Variants in CPNE7 observed in about 807,000 individuals in gnomAD.
CPNE7 encodes the protein copine 7.
Under a neutral mutation model 66.5 loss-of-function variants are expected in CPNE7, and 78 were observed. That is an observed-to-expected ratio of 1.17 (90% CI 0.98 to 1.42). CPNE7 has a LOEUF of 1.42. Ranked by LOEUF, CPNE7 falls within the 40% of genes most tolerant of loss-of-function variation. CPNE7 has a pLI of 0.00. For synonymous variants in CPNE7, 468 were observed against 336.7 expected (o/e 1.39, Z -4.27); for missense variants, 1,012 against 776.6 (o/e 1.30, Z -3.60).
At chr16:89,582,187 C>G (rs1357340493) in intron 2 of CPNE7, among the ~76,000 whole-genome samples, 1 of 152,242 alleles carries the variant, frequency 6.6e-6, no homozygotes, top group Non-Finnish European at 1.5e-5. Flanking sequence ...AAGGGAGAAG[C>G]TACTGGCATC....
intron 2 of CPNE7, among the ~76,000 whole-genome samples, chr16:89,578,608 T>A (rs1385944300): frequency 2.7e-5 from 4 of 150,326 alleles, no homozygotes; most frequent in Non-Finnish European, 4.4e-5. Flanking sequence ...AAAAGTACAA[T>A]AATTAGCCGG....
At chr16:89,595,754 A>G (rs2059245152) in intron 14 of CPNE7, 151 bp downstream of exon 14, 1 of 777,054 alleles carries the variant, frequency 1.3e-6, no homozygotes. Context: ...CCCAGTCAAG[A>G]GCAGTATCTG....
chr16:89,588,929 G>A, intron 10 of CPNE7, 121 bp downstream of exon 10: 1 of 1,242,824 alleles, frequency 8.0e-7, no homozygotes, highest in East Asian at 2.5e-5. Flanking sequence ...CACCCGGCCG[G>A]TTTTCCCTCA....
intron 10 of CPNE7, among the ~76,000 whole-genome samples, chr16:89,589,456 C>T (rs1467479813): frequency 2.0e-5 from 3 of 152,156 alleles, no homozygotes; most frequent in African/African-American, 4.8e-5. Flanking sequence ...CCAGGGAGGG[C>T]CCGGCACAAA....
In CPNE7 at chr16:89,585,740, C is replaced by T. The variant is rs2059025433; in HGVS notation, c.735C>T (p.Phe245=). ...GAAAGCACGACTTCATCGGAGAATT[C>T]TCTACCACCTTCGAGGAGATGCAGA... is the stretch of plus-strand genomic sequence containing the variant. ...SRGKHDFIGE[F]STTFEEMQKA... is the part of the protein sequence containing the mutation. The change falls in exon 7 of 15, where the codon TTC becomes TTT. Residue 245 remains phenylalanine (F), a synonymous_variant. Transcript: ENST00000319518. The T allele has an allele frequency of 1.9e-6, 3 of 1,544,976 alleles. No individual in the cohort carries two copies. Among genetic ancestry groups the T allele is most frequent in the East Asian group, 2.5e-5 (1 of 40,802 alleles).
rs1295244641 is a variant in CPNE7 at position 89,586,906 on chromosome 16, G to T, written c.868-137G>T. The stretch of plus-strand genomic sequence containing the variant: ...AGAGACGGGGAAGGGCGAGGTTGGG[G>T]AGAGAGGATGGGGGAGAGGAGAGGA... On this transcript the variant is annotated intron_variant, in intron 8 of 14. Transcript: ENST00000319518. 3 of 1,098,384 alleles carry T rather than the reference G, an allele frequency of 2.7e-6. No individual in the cohort carries two copies. In the Admixed American group the frequency reaches 6.1e-5, roughly 22 times the overall value. 68.0% of individuals were successfully genotyped at this position (1,098,384 alleles called of 1,614,324 possible). A position where few individuals can be genotyped will look rare whatever the true frequency, so the allele number is the denominator to read the frequency against.
intron 7 of CPNE7, among the ~76,000 whole-genome samples, 154 bp from the exon 8 acceptor site, chr16:89,586,516 C>G (rs910825673): frequency 9.9e-5 from 15 of 151,788 alleles, no homozygotes; most frequent in African/African-American, 3.4e-4. Context: ...ATGACCCACT[C>G]TGCCCCTTCC....
intron 2 of CPNE7, chr16:89,578,862 C>A: frequency 6.2e-7 from 1 of 1,611,528 alleles, no homozygotes. Context: ...CACAGCCAGC[C>A]CAAAAGTGGC....
At position 89,596,602 on chromosome 16, in the gene CPNE7, GC is replaced by G. The variant is rs765735303; in HGVS notation, c.1661del (p.Pro554GlnfsTer16). The G allele has an allele frequency of 3.1e-6, 5 of 1,604,628 alleles. No individual in the cohort carries two copies. The highest frequency in any genetic ancestry group is 2.7e-5 in the African/African-American group (2 of 74,802). On this transcript the variant is annotated frameshift_variant, in exon 15 of 15. Transcript: ENST00000319518. LOFTEE classifies it high-confidence loss of function. ...CTGGGTGTCCCTGCCGGAGAGGCCAGCCCAGGCTGCACACCGTGAAGATGTG... is the reference window on the plus strand; with the variant it reads ...CTGGGTGTCCCTGCCGGAGAGGCCAGCCAGGCTGCACACCGTGAAGATGTG... ...RSLGVPAGEA[S>X]PGCTP
In CPNE7 at chr16:89,586,660, C is replaced by G. The variant is rs778057028; in HGVS notation, c.781-10C>G. The G allele has an allele frequency of 2.5e-6, 4 of 1,611,380 alleles. No homozygotes were observed. The South Asian group carries it at 3.3e-5, about 13-fold the overall frequency. ...CCACTCTGGGGGGCCTCTGCTTGTT[C>G]CTGCCCCAGGCCCAGTGGGACTGTG... On this transcript the variant is annotated splice_polypyrimidine_tract_variant and intron_variant, in intron 7 of 14. Coordinates refer to ENST00000319518, the MANE Select transcript of CPNE7 (RefSeq NM_153636.3).
At position 89,596,946 on chromosome 16, in the gene CPNE7, G is replaced by T; in HGVS notation, c.*325G>T. 1 of 243,320 alleles carries T rather than the reference G, an allele frequency of 4.1e-6. No individual in the cohort carries two copies. Among genetic ancestry groups the T allele is most frequent in the Non-Finnish European group, 7.8e-6 (1 of 128,620 alleles). The allele number at this position is 243,320 out of a possible 1,614,324, so 15.1% of individuals were successfully genotyped here. A position where few individuals can be genotyped will look rare whatever the true frequency, so the allele number is the denominator to read the frequency against. On this transcript the variant is annotated 3_prime_UTR_variant, in exon 15 of 15. Coordinates refer to ENST00000319518, the MANE Select transcript of CPNE7 (RefSeq NM_153636.3). ...CCGATGAGAAGGGGCAGGGACTGGG[G>T]GCTCTGCTTTGCGTCTAACCTTTGT...
intron 2 of CPNE7, chr16:89,583,403 C>T: frequency 2.0e-6 from 3 of 1,537,856 alleles, no homozygotes; most frequent in Non-Finnish European, 2.6e-6. Flanking sequence ...TGAGCTGCTT[C>T]CTGGCTTCCA....
chr16:89,581,873 C>T (rs76751818), intron 2 of CPNE7, among the ~76,000 whole-genome samples: 14,051 of 152,216 alleles, frequency 0.092, 912 homozygotes, highest in East Asian at 0.4. Context: ...CTTGAACTCC[C>T]GGGCTCACCG....
rs1283007084 is a variant in CPNE7 at position 89,588,606 on chromosome 16, C to A, written c.928-69C>A. The A allele has an allele frequency of 3.8e-6, 6 of 1,597,320 alleles. No homozygotes were observed. The African/African-American group carries it at 6.7e-5, about 18-fold the overall frequency. Reference sequence around the variant, plus strand: ...GTCCTGGCCACTCTGGGCGTGGTTTCTCTACCTGTCAGGAGCGGGTTCGGG... The same window carrying A: ...GTCCTGGCCACTCTGGGCGTGGTTTATCTACCTGTCAGGAGCGGGTTCGGG... On this transcript the variant is annotated intron_variant, in intron 9 of 14. Coordinates refer to ENST00000319518, the MANE Select transcript of CPNE7 (RefSeq NM_153636.3).
chr16:89,578,075 T>A (rs916389972), intron 2 of CPNE7, among the ~76,000 whole-genome samples: 1 of 149,684 alleles, frequency 6.7e-6, no homozygotes, highest in Non-Finnish European at 1.5e-5. Flanking sequence ...TTCTTTTTTT[T>A]TTTTTTTGAG....
intron 2 of CPNE7, chr16:89,583,393 T>G: frequency 4.3e-5 from 66 of 1,521,022 alleles, no homozygotes; most frequent in Non-Finnish European, 5.4e-5. Context: ...AGCTGGGCTG[T>G]GAGCTGCTTC....
chr16:89,596,051 C>T (rs561531434), intron 14 of CPNE7: 220 of 448,344 alleles, frequency 4.9e-4, no homozygotes, highest in African/African-American at 3.8e-3. Flanking sequence ...TACAGCAAGA[C>T]GTGCATGCCA....
Position 89,576,062 on chromosome 16 carries a change from G to A in CPNE7, c.165G>A (p.Gln55=). The A allele has an allele frequency of 7.7e-7, 1 of 1,298,700 alleles. No homozygotes were observed. The highest frequency in any genetic ancestry group is 9.8e-7 in the Non-Finnish European group (1 of 1,024,298). 80.4% of individuals were successfully genotyped at this position (1,298,700 alleles called of 1,614,324 possible). The change falls in exon 1 of 15, where the codon CAG becomes CAA. Residue 55 remains glutamine, a synonymous_variant. Coordinates refer to ENST00000319518, the MANE Select transcript of CPNE7 (RefSeq NM_153636.3). ...SVALLQQAQG[Q]WVQVGRTEVV... is the part of the protein sequence containing the mutation. ...CGTTGCTGCAGCAGGCGCAGGGCCA[G>A]TGGGTGCAGGTAGGGCCGGGGCGTG...
chr16:89,576,810 G>A (rs2058867864), intron 1 of CPNE7, among the ~76,000 whole-genome samples: 1 of 152,164 alleles, frequency 6.6e-6, no homozygotes, highest in South Asian at 2.1e-4. Flanking sequence ...TGGAAGGGAC[G>A]CGGTCACCCG....
Sources: allele counts gnomAD v4.1 joint callset (sites outside exome capture counted in the v4.1 genomes callset), GRCh38; gene constraint gnomAD v4.1.1; transcripts MANE v1.5; gene names NCBI Gene and HGNC (gene_info 2026-07-23, HGNC 2026-07-21).